Variants in MMD observed in about 807,000 individuals in gnomAD.
The protein encoded by MMD is monocyte to macrophage differentiation associated.
In MMD, 22 loss-of-function variants were observed where a neutral mutation model predicts 33.6. The ratio of observed to expected loss-of-function variants is 0.66; its 90% CI spans 0.47 to 0.94. MMD has a LOEUF of 0.94. MMD is among the 40% of genes least tolerant of loss of function. The pLI is 0.00. For synonymous variants in MMD, 97 were observed against 103.2 expected, an observed-to-expected ratio of 0.94 and a Z score of 0.36; for missense variants, 242 against 309.8, an observed-to-expected ratio of 0.78 and a Z score of 1.64.
chr17:55,399,139 CT>C, intron 6 of MMD, among the ~76,000 whole-genome samples: 1 of 152,244 alleles, frequency 6.6e-6, no homozygotes, highest in East Asian at 1.9e-4. Context: ...CCTTTTGTTG[CT>C]GTTTGGAAAG....
chr17:55,418,345 T>C (rs1035013581), intron 1 of MMD, among the ~76,000 whole-genome samples: 4 of 152,256 alleles, frequency 2.6e-5, no homozygotes, highest in African/African-American at 7.2e-5. Context: ...AGCTTATTGC[T>C]AGAGCTTAAT....
chr17:55,413,965 G>C (rs1380474332), intron 2 of MMD, among the ~76,000 whole-genome samples, 186 bp downstream of exon 2: 1 of 152,178 alleles, frequency 6.6e-6, no homozygotes, highest in South Asian at 2.1e-4. Context: ...CTGTAGGTTA[G>C]AACACACAAA....
Position 55,403,876 on chromosome 17 carries a change from T to C in MMD, c.345-8A>G. The C allele has an allele frequency of 6.3e-7, 1 of 1,599,882 alleles. No individual in the cohort carries two copies. Among genetic ancestry groups the C allele is most frequent in the South Asian group, 1.1e-5 (1 of 90,212 alleles). ...AGTTCACGAAGATTTAACCTAAAAA[T>C]GTAAACGTGACAACAAAGAACAGAA... On this transcript the variant is annotated splice_region_variant and splice_polypyrimidine_tract_variant and intron_variant, in intron 4 of 6. Transcript: ENST00000262065.
At chr17:55,397,885 C>T (rs1270339265) in intron 6 of MMD, among the ~76,000 whole-genome samples, 1 of 152,084 alleles carries the variant, frequency 6.6e-6, no homozygotes, top group Non-Finnish European at 1.5e-5. Context: ...TTCCTGCTCC[C>T]ATGAATTCTG....
intron 1 of MMD, among the ~76,000 whole-genome samples, chr17:55,417,739 C>T (rs1225339613): frequency 6.6e-6 from 1 of 152,200 alleles, no homozygotes; most frequent in Non-Finnish European, 1.5e-5. Flanking sequence ...AAGGCTGCAA[C>T]AGTGAGTTGT....
intron 4 of MMD, 35 bp from the exon 5 acceptor site, chr17:55,403,903 T>C (rs775771179): frequency 6.7e-7 from 1 of 1,501,466 alleles, no homozygotes; most frequent in Non-Finnish European, 9.2e-7. Flanking sequence ...AGAACAGAAG[T>C]GATAAATGAA....
chr17:55,407,592 G>A (rs1026532312), intron 4 of MMD, among the ~76,000 whole-genome samples, 154 bp downstream of exon 4: 3 of 152,164 alleles, frequency 2.0e-5, no homozygotes, highest in African/African-American at 7.2e-5. Flanking sequence ...ACATCAAATG[G>A]GGAAAAAAAT....
At chr17:55,410,622 GAAT>G (rs1270604051) in intron 3 of MMD, among the ~76,000 whole-genome samples, 1 of 152,148 alleles carries the variant, frequency 6.6e-6, no homozygotes, top group Non-Finnish European at 1.5e-5. Context: ...AACTCTGTTT[GAAT>G]AATATACACA....
At chr17:55,396,412 C>T (rs192014393) in intron 6 of MMD, among the ~76,000 whole-genome samples, 27 of 152,182 alleles carry the variant, frequency 1.8e-4, no homozygotes, top group Admixed American at 5.2e-4. Context: ...ATATGAGGTA[C>T]CTAATTACTG....
chr17:55,414,267 T>C, intron 1 of MMD, 35 bp from the exon 2 acceptor site: 1 of 1,594,926 alleles, frequency 6.3e-7, no homozygotes. Context: ...TAAGAAAAAC[T>C]CAAAGTGTGT....
At chr17:55,410,775 A>C (rs777496318) in intron 3 of MMD, among the ~76,000 whole-genome samples, 5 of 152,140 alleles carry the variant, frequency 3.3e-5, no homozygotes, top group Admixed American at 2.0e-4. Flanking sequence ...TATCACACTG[A>C]CTGTGTGACT....
rs1382282995 is a variant in MMD at position 55,392,913 on chromosome 17, C to A, written c.*1421G>T. The A allele has an allele frequency of 6.6e-6, 1 of 151,994 alleles. No homozygotes were observed. The highest frequency in any genetic ancestry group is 1.5e-5 in the Non-Finnish European group (1 of 67,976). The allele number at this position is 151,994 out of a possible 1,614,324, so 9.4% of individuals were successfully genotyped here. A position where few individuals can be genotyped will look rare whatever the true frequency, so the allele number is the denominator to read the frequency against. Reference sequence around the variant, plus strand: ...AAAATCAGAGAGTTCTAAACATATACAAAATAAACCTCTTTTAAAGCCACA... The same window carrying A: ...AAAATCAGAGAGTTCTAAACATATAAAAAATAAACCTCTTTTAAAGCCACA... On this transcript the variant is annotated 3_prime_UTR_variant, in exon 7 of 7. Transcript: ENST00000262065.
At chr17:55,417,289 G>A (rs1320807088) in intron 1 of MMD, among the ~76,000 whole-genome samples, 1 of 152,068 alleles carries the variant, frequency 6.6e-6, no homozygotes, top group East Asian at 1.9e-4. Flanking sequence ...AGACCAGCCT[G>A]GCCAACATAG....
At position 55,414,185 on chromosome 17, in the gene MMD, C is replaced by G; in HGVS notation, c.74G>C (p.Cys25Ser). 1 of 1,613,910 alleles carries G rather than the reference C, an allele frequency of 6.2e-7. No homozygotes were observed. Among genetic ancestry groups the G allele is most frequent in the African/African-American group, 1.3e-5 (1 of 75,028 alleles). ...GTAACAGTTAGCAGCATGTTCATAG[C>G]AAGTTGGCTTGTAGCGGCCATTGGC... ...APANGRYKPT[C>S]YEHAANCYTH... Residue 25 changes from cysteine to serine, a missense_variant, in exon 2 of 7, where the codon TGC (cysteine) becomes TCC (serine). Cys to Ser is a moderately radical substitution (Grantham distance 112). Coordinates refer to ENST00000262065, the MANE Select transcript of MMD (RefSeq NM_012329.3).
At chr17:55,404,569 G>A in intron 4 of MMD, 2 of 985,258 alleles carry the variant, frequency 2.0e-6, no homozygotes, top group Non-Finnish European at 2.4e-6. Context: ...TTTTGACGCA[G>A]GATCAGATAC....
chr17:55,402,813 T>C (rs1907399662), intron 5 of MMD, among the ~76,000 whole-genome samples: 2 of 152,236 alleles, frequency 1.3e-5, no homozygotes, highest in Non-Finnish European at 1.5e-5. Context: ...TACTCAGCAT[T>C]GCTAATTATG....
At chr17:55,421,342 A>C (rs900784181) in intron 1 of MMD, among the ~76,000 whole-genome samples, 7 of 152,202 alleles carry the variant, frequency 4.6e-5, no homozygotes, top group African/African-American at 1.7e-4. Flanking sequence ...GCCAGAGCCC[A>C]GCCTGTATGG....
chr17:55,409,227 T>A (rs1461168510), intron 3 of MMD, among the ~76,000 whole-genome samples: 1 of 152,154 alleles, frequency 6.6e-6, no homozygotes, highest in Non-Finnish European at 1.5e-5. Flanking sequence ...CTGCATATCA[T>A]CCCCTGGGGA....
intron 3 of MMD, among the ~76,000 whole-genome samples, chr17:55,410,567 T>C (rs138023923): frequency 9.1e-4 from 139 of 152,332 alleles, no homozygotes; most frequent in African/African-American, 3.1e-3. Flanking sequence ...CCAAGAGCTA[T>C]AGTATTGTTT....
Sources: gnomAD v4.1 joint callset for allele counts (sites outside exome capture counted in the v4.1 genomes callset) on GRCh38, gnomAD v4.1.1 for gene constraint, MANE v1.5 for transcripts, NCBI Gene and HGNC (gene_info 2026-07-23, HGNC 2026-07-21) for gene names.